ANGPT1: variants seen among roughly 807,000 people sequenced by gnomAD.
ANGPT1 encodes angiopoietin-1.
A neutral mutation model predicts 62.2 loss-of-function variants in ANGPT1; 17 were observed. That is an observed-to-expected ratio of 0.27 (90% CI 0.19 to 0.41). The LOEUF (loss-of-function observed/expected upper bound fraction) is 0.41, where lower values mean the gene tolerates loss of function less well. ANGPT1 is among the 10% of genes least tolerant of loss of function. The probability of loss-of-function intolerance (pLI) is 1.00; values close to 1 mark genes in which losing one functional copy is unlikely to be tolerated. For missense variants in ANGPT1, 478 were observed against 594.9 expected (o/e 0.80, Z 2.04); for synonymous variants, 199 against 198.9 (o/e 1.00, Z 0.00).
intron 1 of ANGPT1, among the ~76,000 whole-genome samples, chr8:107,391,829 CA>C (rs1816841721): frequency 6.6e-6 from 1 of 152,102 alleles, no homozygotes; most frequent in South Asian, 2.1e-4. Context: ...ATATGGTAGG[CA>C]ATTGTAACAT....
chr8:107,398,390 A>G (rs1347760948), intron 1 of ANGPT1, among the ~76,000 whole-genome samples: 2 of 152,126 alleles, frequency 1.3e-5, no homozygotes, highest in East Asian at 1.9e-4. Flanking sequence ...TTATTTCAAG[A>G]AAAGCATGAG....
rs1813211985 is a variant in ANGPT1 at position 107,249,949 on chromosome 8, C to G, written c.*1906G>C. On this transcript the variant is annotated 3_prime_UTR_variant, in exon 9 of 9. Coordinates refer to ENST00000517746, the MANE Select transcript of ANGPT1 (RefSeq NM_001146.5). ...GGCTTACCTGCTATGAAGAAGCCACCAAGAATAGAAAAATGGTATAATACC... is the reference window on the plus strand; with the variant it reads ...GGCTTACCTGCTATGAAGAAGCCACGAAGAATAGAAAAATGGTATAATACC... 6.6e-6 allele frequency: 1 copy of G among 151,804 alleles called. No homozygotes were observed. Among genetic ancestry groups the G allele is most frequent in the Non-Finnish European group, 1.5e-5 (1 of 67,870 alleles). 9.4% of individuals were successfully genotyped at this position (151,804 alleles called of 1,614,324 possible).
chr8:107,285,286 A>G (rs1183940567), intron 6 of ANGPT1, among the ~76,000 whole-genome samples: 2 of 152,126 alleles, frequency 1.3e-5, no homozygotes, highest in Admixed American at 1.3e-4. Flanking sequence ...ATTATTATTC[A>G]CAAATGCAAT....
intron 1 of ANGPT1, among the ~76,000 whole-genome samples, chr8:107,360,708 T>C (rs1309343172): frequency 1.3e-5 from 2 of 152,144 alleles, no homozygotes; most frequent in Non-Finnish European, 2.9e-5. Flanking sequence ...TGAGTTGCCA[T>C]CATTAAGCGG....
intron 1 of ANGPT1, among the ~76,000 whole-genome samples, chr8:107,419,230 CAAG>C (rs958142798): frequency 2.6e-5 from 4 of 152,076 alleles, no homozygotes; most frequent in Non-Finnish European, 4.4e-5. Context: ...ACAGCAGAAG[CAAG>C]AAGGTTTCTC....
chr8:107,473,429 A>G (rs1253680393), intron 1 of ANGPT1, among the ~76,000 whole-genome samples: 1 of 152,034 alleles, frequency 6.6e-6, no homozygotes, highest in Non-Finnish European at 1.5e-5. Context: ...GACCCAATTG[A>G]AAACACAAGG....
At chr8:107,429,275 T>C (rs1193142548) in intron 1 of ANGPT1, among the ~76,000 whole-genome samples, 1 of 152,166 alleles carries the variant, frequency 6.6e-6, no homozygotes, top group Non-Finnish European at 1.5e-5. Flanking sequence ...GAGGCACTCA[T>C]AAGATGAGAC....
In ANGPT1 at chr8:107,249,698, T is replaced by C. The variant is rs1003754784; in HGVS notation, c.*2157A>G. The C allele has an allele frequency of 6.6e-6, 1 of 152,184 alleles. No individual in the cohort carries two copies. The highest frequency in any genetic ancestry group is 2.4e-5 in the African/African-American group (1 of 41,456). 9.4% of individuals were successfully genotyped at this position (152,184 alleles called of 1,614,324 possible). A position where few individuals can be genotyped will look rare whatever the true frequency, so the allele number is the denominator to read the frequency against. Reference sequence around the variant, plus strand: ...CATAAAACATTTTATACTGATTTATTATAAATAATTGGAAACAATATTTCA... The same window carrying C: ...CATAAAACATTTTATACTGATTTATCATAAATAATTGGAAACAATATTTCA... On this transcript the variant is annotated 3_prime_UTR_variant, in exon 9 of 9. Transcript: ENST00000517746.
chr8:107,441,515 G>C (rs1362954199), intron 1 of ANGPT1, among the ~76,000 whole-genome samples: 1 of 152,116 alleles, frequency 6.6e-6, no homozygotes, highest in African/African-American at 2.4e-5. Context: ...TCTATAATGT[G>C]GTACCCCATT....
chr8:107,398,500 ATTTT>A (rs10556477), intron 1 of ANGPT1, among the ~76,000 whole-genome samples: 12,076 of 132,672 alleles, frequency 0.091, 771 homozygotes, highest in East Asian at 0.45. Context: ...TTTCTTTTCT[ATTTT>A]TTTTTTTTTT....
chr8:107,455,992 T>C (rs1563630752), intron 1 of ANGPT1, among the ~76,000 whole-genome samples: 1 of 152,074 alleles, frequency 6.6e-6, no homozygotes, highest in Non-Finnish European at 1.5e-5. Flanking sequence ...ATTGGTTTCC[T>C]GCCTACCATG....
At chr8:107,256,457 A>C (rs1366184741) in intron 8 of ANGPT1, among the ~76,000 whole-genome samples, 1 of 152,240 alleles carries the variant, frequency 6.6e-6, no homozygotes, top group East Asian at 1.9e-4. Context: ...CAATGCAGGC[A>C]AAAGTATAGC....
At chr8:107,353,584 G>A (rs1219298827) in intron 1 of ANGPT1, among the ~76,000 whole-genome samples, 7 of 151,986 alleles carry the variant, frequency 4.6e-5, no homozygotes, top group Admixed American at 3.3e-4. Flanking sequence ...GCTGCCCCCT[G>A]GTCATTGAGC....
intron 8 of ANGPT1, among the ~76,000 whole-genome samples, chr8:107,260,985 T>C (rs1356960570): frequency 6.6e-6 from 1 of 152,164 alleles, no homozygotes; most frequent in African/African-American, 2.4e-5. Flanking sequence ...TTCATTATTA[T>C]GACAGAAATA....
chr8:107,375,146 G>A (rs942157707), intron 1 of ANGPT1, among the ~76,000 whole-genome samples: 1 of 144,206 alleles, frequency 6.9e-6, no homozygotes, highest in Non-Finnish European at 1.5e-5. Context: ...GTGACAGAGT[G>A]AGACTCCATC....
chr8:107,311,370 T>C (rs1814859751), intron 4 of ANGPT1, among the ~76,000 whole-genome samples: 1 of 151,972 alleles, frequency 6.6e-6, no homozygotes, highest in Non-Finnish European at 1.5e-5. Flanking sequence ...AATTTTCTCT[T>C]CCAAAAAAAG....
chr8:107,312,643 T>TGGGCTTCTCCTCTGAATACA (rs1238232723), intron 4 of ANGPT1, among the ~76,000 whole-genome samples: 2 of 152,204 alleles, frequency 1.3e-5, no homozygotes, highest in Admixed American at 6.5e-5. Flanking sequence ...TGGCTCTACA[T>TGGGCTTCTCCTCTGAATACA]GGGCTTCTCC....
chr8:107,485,492 T>C (rs1424202699), intron 1 of ANGPT1, among the ~76,000 whole-genome samples: 2 of 152,098 alleles, frequency 1.3e-5, no homozygotes, highest in African/African-American at 4.8e-5. Flanking sequence ...AAAACCCAAA[T>C]TTTGAGTGGC....
At chr8:107,482,756 T>C (rs1459973647) in intron 1 of ANGPT1, among the ~76,000 whole-genome samples, 2 of 152,204 alleles carry the variant, frequency 1.3e-5, no homozygotes, top group African/African-American at 4.8e-5. Flanking sequence ...TCAAATATGG[T>C]GAGGTGGGTG....
Sources: gnomAD v4.1 joint callset for allele counts (sites outside exome capture counted in the v4.1 genomes callset) on GRCh38, gnomAD v4.1.1 for gene constraint, MANE v1.5 for transcripts, NCBI Gene and HGNC (gene_info 2026-07-23, HGNC 2026-07-21) for gene names.